Variants in ELAPOR2 observed in about 807,000 individuals in gnomAD.
ELAPOR2 encodes the protein endosome/lysosome-associated apoptosis and autophagy regulator family member 2.
In ELAPOR2, 89 loss-of-function variants were observed where a neutral mutation model predicts 120.7. The observed-to-expected ratio is 0.74, with a 90% CI of 0.62 to 0.88. The LOEUF (loss-of-function observed/expected upper bound fraction) is 0.88, where lower values mean the gene tolerates loss of function less well. ELAPOR2 is among the 40% of genes least tolerant of loss of function. ELAPOR2 has a pLI of 0.00. For missense variants in ELAPOR2, 1,134 were observed against 1,251.6 expected (o/e 0.91, Z 1.42); for synonymous variants, 444 against 444.9 (o/e 1.00, Z 0.03).
chr7:87,035,526 C>T (rs1794559810), intron 1 of ELAPOR2, among the ~76,000 whole-genome samples: 1 of 152,190 alleles, frequency 6.6e-6, no homozygotes, highest in Non-Finnish European at 1.5e-5. Flanking sequence ...AACCCCATTT[C>T]CTTTGGTTAG....
At chr7:87,037,561 T>C (rs1307017334) in intron 1 of ELAPOR2, among the ~76,000 whole-genome samples, 1 of 152,232 alleles carries the variant, frequency 6.6e-6, no homozygotes, top group Non-Finnish European at 1.5e-5. Flanking sequence ...GTTCTGTTAG[T>C]TATTTTCTCC....
intron 1 of ELAPOR2, among the ~76,000 whole-genome samples, chr7:87,015,681 G>C (rs1000435113): frequency 6.6e-6 from 1 of 151,980 alleles, no homozygotes; most frequent in South Asian, 2.1e-4. Context: ...CCAGCTACTC[G>C]GGAGGCTGAG....
intron 1 of ELAPOR2, among the ~76,000 whole-genome samples, chr7:87,040,477 C>A (rs898256983): frequency 6.6e-6 from 1 of 152,248 alleles, no homozygotes; most frequent in African/African-American, 2.4e-5. Context: ...AGCAACCTAA[C>A]TGGGAGGCAC....
chr7:86,905,130 A>AAGGAAG (rs1355938615), intron 18 of ELAPOR2, among the ~76,000 whole-genome samples: 58 of 92,964 alleles, frequency 6.2e-4, no homozygotes, highest in South Asian at 1.2e-3. Context: ...AAGGAAGGAA[A>AAGGAAG]GAAAGAAAAG....
chr7:86,987,880 A>G (rs1235343542), intron 1 of ELAPOR2, among the ~76,000 whole-genome samples: 2 of 152,214 alleles, frequency 1.3e-5, no homozygotes, highest in Non-Finnish European at 2.9e-5. Flanking sequence ...TCATGCTACT[A>G]TAAAGATATA....
At chr7:87,042,201 A>C (rs376767792) in intron 1 of ELAPOR2, among the ~76,000 whole-genome samples, 14,106 of 150,702 alleles carry the variant, frequency 0.094, 931 homozygotes, top group Non-Finnish European at 0.14. Context: ...AGACAGATCA[A>C]TGAGACAGAA....
In ELAPOR2 at chr7:86,878,892, C is replaced by T. The variant is rs1473229527; in HGVS notation, c.*1579G>A. On this transcript the variant is annotated 3_prime_UTR_variant, in exon 22 of 22. Transcript: ENST00000450689. ...TGCAACAGCAGAGATATACACAAAA[C>T]ATTCATTCAATAATAACAGAATGGT... The T allele has an allele frequency of 1.3e-5, 2 of 152,160 alleles. No homozygotes were observed. The highest frequency in any genetic ancestry group is 2.4e-5 in the African/African-American group (1 of 41,442). The allele number at this position is 152,160 out of a possible 1,614,324, so 9.4% of individuals were successfully genotyped here. A position where few individuals can be genotyped will look rare whatever the true frequency, so the allele number is the denominator to read the frequency against.
chr7:86,933,546 C>A (rs576064710), intron 8 of ELAPOR2, among the ~76,000 whole-genome samples: 1 of 151,996 alleles, frequency 6.6e-6, no homozygotes, highest in African/African-American at 2.4e-5. Flanking sequence ...GCACTCCCAC[C>A]AGTGCCATGA....
intron 1 of ELAPOR2, among the ~76,000 whole-genome samples, chr7:86,993,252 AAAAAGAAAAG>A (rs1225806069): frequency 7.4e-6 from 1 of 134,546 alleles, no homozygotes; most frequent in Non-Finnish European, 1.6e-5. Flanking sequence ...AAAAAAAAAG[AAAAAGAAAAG>A]AAAAGGAAAG....
At chr7:86,957,315 ACAAAT>A (rs1791516281) in intron 2 of ELAPOR2, among the ~76,000 whole-genome samples, 1 of 152,204 alleles carries the variant, frequency 6.6e-6, no homozygotes, top group Non-Finnish European at 1.5e-5. Context: ...ACAAATTTTT[ACAAAT>A]CTGATTAGAC....
intron 1 of ELAPOR2, among the ~76,000 whole-genome samples, chr7:87,056,259 T>C (rs1795258730): frequency 6.6e-6 from 1 of 152,210 alleles, no homozygotes; most frequent in Admixed American, 6.5e-5. Flanking sequence ...TTATCTTATA[T>C]TAATCTCATT....
At chr7:86,880,702 C>T (rs1285822751) in intron 21 of ELAPOR2, among the ~76,000 whole-genome samples, 172 bp from the exon 22 acceptor site, 3 of 150,348 alleles carry the variant, frequency 2.0e-5, no homozygotes, top group Non-Finnish European at 4.4e-5. Flanking sequence ...AGTAGCATGC[C>T]TACCCTGAAG....
At chr7:86,991,869 A>C (rs568046246) in intron 1 of ELAPOR2, among the ~76,000 whole-genome samples, 3 of 151,716 alleles carry the variant, frequency 2.0e-5, no homozygotes, top group Non-Finnish European at 4.4e-5. Context: ...CCCTCTTTTA[A>C]AGAGCCTTCT....
chr7:86,959,070 A>AT (rs992506808), intron 2 of ELAPOR2, among the ~76,000 whole-genome samples: 10 of 152,246 alleles, frequency 6.6e-5, no homozygotes, highest in Non-Finnish European at 1.3e-4. Flanking sequence ...GTATTTCATT[A>AT]TTTTTGATGC....
In ELAPOR2 at chr7:86,878,719, C is replaced by T. The variant is rs1799263465; in HGVS notation, c.*1752G>A. On this transcript the variant is annotated 3_prime_UTR_variant, in exon 22 of 22. Transcript: ENST00000450689. ...AAATGCAGACATGCTCATAAGCACT[C>T]TGTTGGCAGGATAAAAATGAAGAAT... The T allele has an allele frequency of 6.6e-6, 1 of 152,144 alleles. No homozygotes were observed. Among genetic ancestry groups the T allele is most frequent in the Admixed American group, 6.6e-5 (1 of 15,260 alleles). The allele number at this position is 152,144 out of a possible 1,614,324, so 9.4% of individuals were successfully genotyped here. A position where few individuals can be genotyped will look rare whatever the true frequency, so the allele number is the denominator to read the frequency against.
At chr7:87,039,906 G>A (rs908089600) in intron 1 of ELAPOR2, among the ~76,000 whole-genome samples, 1 of 152,108 alleles carries the variant, frequency 6.6e-6, no homozygotes. Flanking sequence ...CAGGTCAGTG[G>A]GTGCGCGCAC....
chr7:86,930,039 T>C (rs1425313519), intron 8 of ELAPOR2, among the ~76,000 whole-genome samples: 1 of 152,026 alleles, frequency 6.6e-6, no homozygotes, highest in African/African-American at 2.4e-5. Flanking sequence ...TACTTCTTTA[T>C]AGGAGTGTGA....
intron 1 of ELAPOR2, among the ~76,000 whole-genome samples, chr7:87,019,413 C>T (rs913578564): frequency 1.3e-5 from 2 of 152,260 alleles, no homozygotes. Flanking sequence ...GTCTGCCCAC[C>T]TCAGCCTCCT....
In ELAPOR2 at chr7:86,926,876, C is replaced by T. The variant is rs367624349; in HGVS notation, c.1130G>A (p.Arg377Gln). 1.1e-5 allele frequency: 18 copies of T among 1,568,258 alleles called. No individual in the cohort carries two copies. The Admixed American group carries it at 1.6e-4, about 14-fold the overall frequency. ...TCTAATAGCATCTGTGAGATCCTCC[C>T]GGCAGATTTTGGGCTCTATCCACTT... is the stretch of plus-strand genomic sequence containing the variant. ...MYKWIEPKIC[R>Q]EDLTDAIRLP... Residue 377 changes from arginine to glutamine, a missense_variant, in exon 9 of 22, where the codon CGG becomes CAG. This residue lies in a region of ELAPOR2 where 831 missense variants were observed against 867.6 expected (regional missense o/e 0.96). Coordinates refer to ENST00000450689, the MANE Select transcript of ELAPOR2 (RefSeq NM_001142749.3).
Sources: gnomAD v4.1 joint callset for allele counts (sites outside exome capture counted in the v4.1 genomes callset) on GRCh38, gnomAD v4.1.1 for gene constraint, gnomAD v4.1.1 regional missense constraint, MANE v1.5 for transcripts, NCBI Gene and HGNC (gene_info 2026-07-23, HGNC 2026-07-21) for gene names.